NDC1: variants seen among roughly 807,000 people sequenced by gnomAD.
NDC1 encodes nucleoporin NDC1.
Under a neutral mutation model 89.8 loss-of-function variants are expected in NDC1, and 24 were observed. That is an observed-to-expected ratio of 0.27 (90% CI 0.19 to 0.38). The LOEUF (loss-of-function observed/expected upper bound fraction) is 0.38, where lower values mean the gene tolerates loss of function less well. NDC1 is among the 10% of genes least tolerant of loss of function. NDC1 has a pLI of 1.00. For synonymous variants in NDC1, 296 were observed against 284.8 expected, an observed-to-expected ratio of 1.04 and a Z score of -0.39; for missense variants, 728 against 797.6, an observed-to-expected ratio of 0.91 and a Z score of 1.05.
intron 6 of NDC1, among the ~76,000 whole-genome samples, chr1:53,812,967 A>G (rs1648362225): frequency 6.6e-6 from 1 of 152,238 alleles, no homozygotes; most frequent in Admixed American, 6.5e-5. Context: ...CTCCTCCAAC[A>G]AAACAATTAT....
At chr1:53,782,423 G>A (rs541477625) in intron 16 of NDC1, among the ~76,000 whole-genome samples, 1 of 152,310 alleles carries the variant, frequency 6.6e-6, no homozygotes, top group Admixed American at 6.5e-5. Flanking sequence ...GGACAAAGGA[G>A]TTGAAGGAAT....
intron 16 of NDC1, among the ~76,000 whole-genome samples, chr1:53,777,854 T>C (rs1402174812): frequency 6.6e-6 from 1 of 152,112 alleles, no homozygotes; most frequent in Admixed American, 6.6e-5. Flanking sequence ...GACGGGACTA[T>C]AGGCGTGTGC....
intron 5 of NDC1, among the ~76,000 whole-genome samples, chr1:53,824,746 C>A (rs559671264): frequency 2.6e-5 from 4 of 152,210 alleles, no homozygotes. Context: ...GTAGTTTATA[C>A]TCTACCACTC....
chr1:53,824,191 G>A (rs149744778), intron 5 of NDC1, among the ~76,000 whole-genome samples: 155 of 149,398 alleles, frequency 1.0e-3, no homozygotes, highest in Non-Finnish European at 1.6e-3. Context: ...CGATGATCGT[G>A]CTACTGCGCT....
Position 53,776,819 on chromosome 1 carries a change from ATAC to A in NDC1, c.1801-4333_1801-4331del, listed in dbSNP as rs368419099. 2.0e-5 allele frequency among the ~76,000 whole-genome samples: 3 copies of A among 152,192 alleles called. No individual in the cohort carries two copies. The East Asian group carries it at 5.8e-4, about 29-fold the overall frequency. On this transcript the variant is annotated intron_variant, in intron 16 of 17. Transcript: ENST00000371429. ...ATAGCTTTTCATGAAAAATCATGCA[ATAC>A]TACATGATTTTATCATTATTCTGTT...
intron 4 of NDC1, 130 bp from the exon 5 acceptor site, chr1:53,826,066 T>C (rs1648851287): frequency 2.3e-6 from 2 of 883,316 alleles, no homozygotes; most frequent in Admixed American, 2.9e-5. Flanking sequence ...TCTAACAAGA[T>C]GGCTCGTTTT....
intron 6 of NDC1, among the ~76,000 whole-genome samples, chr1:53,813,424 A>G (rs966832370): frequency 6.6e-6 from 1 of 152,200 alleles, no homozygotes; most frequent in South Asian, 2.1e-4. Flanking sequence ...TTAAAGTAAA[A>G]GGGTGGAAAA....
intron 6 of NDC1, among the ~76,000 whole-genome samples, chr1:53,814,976 CAA>C (rs1648431134): frequency 6.6e-6 from 1 of 151,722 alleles, no homozygotes; most frequent in African/African-American, 2.4e-5. Flanking sequence ...AAATTACCAA[CAA>C]AAAAAAGTCC....
intron 1 of NDC1, among the ~76,000 whole-genome samples, chr1:53,836,427 G>A (rs1182367103): frequency 3.5e-5 from 5 of 144,710 alleles, no homozygotes; most frequent in Non-Finnish European, 7.5e-5. Context: ...TCCAGCCCGG[G>A]CAACAGAGCA....
rs1647330876 is a variant in NDC1 at position 53,787,143 on chromosome 1, CCA to C, written c.1800+13_1800+14del. 6.7e-7 allele frequency: 1 copy of C among 1,503,752 alleles called. No individual in the cohort carries two copies. The highest frequency in any genetic ancestry group is 1.7e-5 in the Admixed American group (1 of 57,176). The allele number at this position is 1,503,752 out of a possible 1,614,324, so 93.2% of individuals were successfully genotyped here. A position where few individuals can be genotyped will look rare whatever the true frequency, so the allele number is the denominator to read the frequency against. On this transcript the variant is annotated intron_variant, in intron 16 of 17. Transcript: ENST00000371429. ...AAGATGACCTCTACCCCCTCCCAAC[CCA>C]CAGATTTCTTACCTCTTGCAGTGTC...
intron 6 of NDC1, among the ~76,000 whole-genome samples, chr1:53,814,361 T>A (rs1285772529): frequency 1.3e-5 from 2 of 151,650 alleles, no homozygotes; most frequent in Non-Finnish European, 2.9e-5. Context: ...TCTCAAAAAA[T>A]AAATAAATAA....
chr1:53,802,184 T>C (rs1340091029), intron 10 of NDC1, among the ~76,000 whole-genome samples: 3 of 152,206 alleles, frequency 2.0e-5, no homozygotes, highest in African/African-American at 4.8e-5. Context: ...AGCATTGTTA[T>C]AGTTAATTTT....
intron 16 of NDC1, among the ~76,000 whole-genome samples, chr1:53,785,668 G>C (rs1184211766): frequency 1.3e-5 from 2 of 152,034 alleles, no homozygotes; most frequent in African/African-American, 4.8e-5. Context: ...TACCTCCCGG[G>C]TTCAAGCGGT....
intron 3 of NDC1, among the ~76,000 whole-genome samples, chr1:53,828,399 A>G (rs1648945479): frequency 6.6e-6 from 1 of 152,170 alleles, no homozygotes; most frequent in Admixed American, 6.6e-5. Context: ...TCTAGAGATG[A>G]AACCTAAGGA....
rs565732668 is a variant in NDC1 at position 53,824,987 on chromosome 1, A to G, written c.594+811T>C. ...CCAGGAGCTGGAGACCAGCCTGGGC[A>G]ACATGGAGAAACCCCATCTCTACAA... On this transcript the variant is annotated intron_variant, in intron 5 of 17. Transcript: ENST00000371429. 2.7e-3 allele frequency among the ~76,000 whole-genome samples: 414 copies of G among 152,294 alleles called. 2 individuals carry two copies. Among genetic ancestry groups the G allele is most frequent in the African/African-American group, 9.6e-3 (398 of 41,568 alleles).
At position 53,768,056 on chromosome 1, in the gene NDC1, G is replaced by C. The variant is rs766919396; in HGVS notation, c.1962-23C>G. 1.9e-6 allele frequency: 3 copies of C among 1,563,038 alleles called. No individual in the cohort carries two copies. The East Asian group carries it at 6.9e-5, about 36-fold the overall frequency. On this transcript the variant is annotated intron_variant, in intron 17 of 17. Coordinates refer to ENST00000371429, the MANE Select transcript of NDC1 (RefSeq NM_018087.5). ...GCACTAAATGAAACATAAATTCAAAGCATAAGCTTTATTTTACATTAAGCA... is the reference window on the plus strand; with the variant it reads ...GCACTAAATGAAACATAAATTCAAACCATAAGCTTTATTTTACATTAAGCA...
intron 5 of NDC1, among the ~76,000 whole-genome samples, chr1:53,822,909 G>C (rs1225292665): frequency 6.6e-6 from 1 of 152,122 alleles, no homozygotes; most frequent in Non-Finnish European, 1.5e-5. Context: ...ATGGGAATGG[G>C]CCTGACTTCT....
intron 14 of NDC1, among the ~76,000 whole-genome samples, chr1:53,792,385 G>A (rs1048373777): frequency 5.9e-5 from 9 of 152,158 alleles, no homozygotes; most frequent in African/African-American, 2.2e-4. Flanking sequence ...TGGGTGGATC[G>A]TCCCTTCCAC....
intron 17 of NDC1, among the ~76,000 whole-genome samples, chr1:53,768,539 A>G (rs1450165846): frequency 6.6e-6 from 1 of 152,192 alleles, no homozygotes; most frequent in East Asian, 1.9e-4. Context: ...TATGTTTTGG[A>G]TGTGAACACT....
Sources: allele counts gnomAD v4.1 joint callset (sites outside exome capture counted in the v4.1 genomes callset), GRCh38; gene constraint gnomAD v4.1.1; transcripts MANE v1.5; gene names NCBI Gene and HGNC (gene_info 2026-07-23, HGNC 2026-07-21).